The following MEI4 variants were observed in gnomAD, a reference collection of about 807,000 sequenced individuals.
The protein encoded by MEI4 is meiosis-specific protein MEI4.
In MEI4, 27 loss-of-function variants were observed where a neutral mutation model predicts 31.4. The observed-to-expected ratio is 0.86, with a 90% CI of 0.63 to 1.19. The LOEUF is 1.19. Among genes scored for constraint, MEI4 ranks in the 50% most tolerant of loss-of-function variants. The pLI is 0.00. For missense variants in MEI4, 329 were observed against 398.9 expected (o/e 0.82, Z 1.49); for synonymous variants, 122 against 145.4 (o/e 0.84, Z 1.16).
chr6:77,706,579 A>G (rs1766338061), intron 2 of MEI4, among the ~76,000 whole-genome samples: 1 of 152,072 alleles, frequency 6.6e-6, no homozygotes, highest in African/African-American at 2.4e-5. Flanking sequence ...TATGGTTTAG[A>G]TGTTTTGTCA....
intron 4 of MEI4, among the ~76,000 whole-genome samples, chr6:77,835,407 TAA>T (rs1298674478): frequency 1.2e-4 from 9 of 75,920 alleles, no homozygotes; most frequent in African/African-American, 1.8e-4. Flanking sequence ...CACACACAAA[TAA>T]AAAAAAAAAA....
intron 3 of MEI4, among the ~76,000 whole-genome samples, chr6:77,814,007 C>A (rs1018623891): frequency 2.6e-5 from 4 of 152,000 alleles, no homozygotes; most frequent in Non-Finnish European, 5.9e-5. Context: ...TTTCACAAGA[C>A]CTTCAGTTTA....
At chr6:77,689,638 C>T (rs964598338) in intron 1 of MEI4, among the ~76,000 whole-genome samples, 1 of 151,928 alleles carries the variant, frequency 6.6e-6, no homozygotes, top group Non-Finnish European at 1.5e-5. Context: ...AATTTATGAG[C>T]AGAGATGTGT....
intron 4 of MEI4, among the ~76,000 whole-genome samples, chr6:77,840,372 G>T (rs1770329507): frequency 6.6e-6 from 1 of 151,862 alleles, no homozygotes; most frequent in South Asian, 2.1e-4. Context: ...AATACCAAAA[G>T]GTATAGCATA....
intron 3 of MEI4, among the ~76,000 whole-genome samples, chr6:77,819,150 A>G (rs1769756805): frequency 6.6e-6 from 1 of 152,110 alleles, no homozygotes; most frequent in Non-Finnish European, 1.5e-5. Flanking sequence ...TGTTAATTTT[A>G]ATTTGGTTAT....
intron 1 of MEI4, among the ~76,000 whole-genome samples, chr6:77,657,529 C>A (rs1411842835): frequency 6.6e-6 from 1 of 152,084 alleles, no homozygotes; most frequent in African/African-American, 2.4e-5. Flanking sequence ...TCCAGCCCTT[C>A]TTTACTATGT....
intron 4 of MEI4, among the ~76,000 whole-genome samples, chr6:77,857,971 G>A (rs1212094674): frequency 6.6e-6 from 1 of 152,166 alleles, no homozygotes; most frequent in Non-Finnish European, 1.5e-5. Flanking sequence ...TTGTATGGGT[G>A]TGTACTTTTT....
At chr6:77,676,377 A>T (rs1562201703) in intron 1 of MEI4, among the ~76,000 whole-genome samples, 1 of 152,122 alleles carries the variant, frequency 6.6e-6, no homozygotes, top group Non-Finnish European at 1.5e-5. Context: ...ATAAAAAAAA[A>T]TTAACCAGGT....
At chr6:77,659,169 G>A (rs900723649) in intron 1 of MEI4, among the ~76,000 whole-genome samples, 10 of 152,136 alleles carry the variant, frequency 6.6e-5, no homozygotes, top group African/African-American at 2.4e-4. Context: ...CAATAGTGGA[G>A]GCAGAAAGTC....
intron 2 of MEI4, among the ~76,000 whole-genome samples, chr6:77,746,778 G>T (rs1487282139): frequency 1.3e-5 from 2 of 152,042 alleles, no homozygotes; most frequent in African/African-American, 4.8e-5. Context: ...GAGGGTAAAA[G>T]AGAGAAAGGA....
intron 1 of MEI4, among the ~76,000 whole-genome samples, chr6:77,681,256 C>T (rs115319694): frequency 8.5e-4 from 130 of 152,236 alleles, no homozygotes; most frequent in African/African-American, 3.0e-3. Context: ...TTTTCACCGC[C>T]AGGGTATATA....
chr6:77,834,138 CCTT>C (rs1770150627), intron 4 of MEI4, among the ~76,000 whole-genome samples: 2 of 152,186 alleles, frequency 1.3e-5, no homozygotes, highest in East Asian at 1.9e-4. Context: ...GCTTCATCTT[CCTT>C]CTTCTAACTT....
In MEI4 at chr6:77,828,090, G is replaced by A. The variant is rs545111122; in HGVS notation, c.769-841G>A. 2.0e-5 allele frequency among the ~76,000 whole-genome samples: 3 copies of A among 152,080 alleles called. No homozygotes were observed. The East Asian group carries it at 5.8e-4, about 29-fold the overall frequency. On this transcript the variant is annotated intron_variant, in intron 3 of 4. Coordinates refer to ENST00000684080, the MANE Select transcript of MEI4 (RefSeq NM_001322247.2). ...TAAATTATAACATTTCACTTATTGA[G>A]CACTTACTAGGTGCCTATCACTACA...
At chr6:77,681,319 T>C (rs1054598818) in intron 1 of MEI4, among the ~76,000 whole-genome samples, 9 of 152,258 alleles carry the variant, frequency 5.9e-5, no homozygotes, top group African/African-American at 9.6e-5. Context: ...AGTTATGTAA[T>C]TCATCAGACT....
intron 3 of MEI4, among the ~76,000 whole-genome samples, chr6:77,766,131 A>C (rs968251653): frequency 6.6e-6 from 1 of 152,214 alleles, no homozygotes; most frequent in Non-Finnish European, 1.5e-5. Flanking sequence ...TACAGCTTCC[A>C]GTTGACCAAT....
At chr6:77,712,332 A>G (rs895635260) in intron 2 of MEI4, among the ~76,000 whole-genome samples, 3 of 152,198 alleles carry the variant, frequency 2.0e-5, no homozygotes, top group Admixed American at 6.5e-5. Context: ...ATTTACTTAA[A>G]TAATGGGGAT....
Position 77,868,499 on chromosome 6 carries a change from CTACATATATATATATA to C in MEI4, c.900+39440_900+39455del, listed in dbSNP as rs1225339165. Among the ~76,000 whole-genome samples, 17 of 61,730 alleles carry C rather than the reference CTACATATATATATATA, an allele frequency of 2.8e-4. 1 individual carries two copies. The highest frequency in any genetic ancestry group is 4.1e-4 in the African/African-American group (7 of 17,226). 40.5% of individuals were successfully genotyped at this position (61,730 alleles called of 152,430 possible). On this transcript the variant is annotated intron_variant, in intron 4 of 4. Coordinates refer to ENST00000684080, the MANE Select transcript of MEI4 (RefSeq NM_001322247.2). ...GGAAAAAACTTCCATGTAAAAAATA[CTACATATATATATATA>C]TATATATATATATGCAGATTTCAAG...
At chr6:77,774,717 G>A (rs2127687745) in intron 3 of MEI4, among the ~76,000 whole-genome samples, 1 of 152,102 alleles carries the variant, frequency 6.6e-6, no homozygotes, top group Non-Finnish European at 1.5e-5. Context: ...AGTGTTTTCA[G>A]TTTGAGAAAG....
At chr6:77,798,053 A>G in intron 3 of MEI4, among the ~76,000 whole-genome samples, 1 of 152,088 alleles carries the variant, frequency 6.6e-6, no homozygotes, top group East Asian at 1.9e-4. Context: ...AATAAAACTA[A>G]ACTAGAATAA....
Sources: gnomAD v4.1 joint callset for allele counts (sites outside exome capture counted in the v4.1 genomes callset) on GRCh38, gnomAD v4.1.1 for gene constraint, MANE v1.5 for transcripts, NCBI Gene and HGNC (gene_info 2026-07-23, HGNC 2026-07-21) for gene names.